The following FAM47E variants were observed in gnomAD, a reference collection of about 807,000 sequenced individuals.
The protein encoded by FAM47E is family with sequence similarity 47 member E.
In FAM47E, 32 loss-of-function variants were observed where a neutral mutation model predicts 41.6. The ratio of observed to expected loss-of-function variants is 0.77; its 90% CI spans 0.58 to 1.03. FAM47E has a LOEUF of 1.03. Ranked by LOEUF, FAM47E falls within the 50% of genes least tolerant of loss-of-function variation. The pLI, the probability that FAM47E is intolerant of heterozygous loss-of-function variation, is 0.00. For missense variants in FAM47E, 424 were observed against 485.4 expected, an observed-to-expected ratio of 0.87 and a Z score of 1.19; for synonymous variants, 184 against 188.7, an observed-to-expected ratio of 0.98 and a Z score of 0.20.
At chr4:76,225,892 T>C (rs945099380) in intron 2 of FAM47E, among the ~76,000 whole-genome samples, 4 of 152,356 alleles carry the variant, frequency 2.6e-5, no homozygotes, top group Admixed American at 2.0e-4. Flanking sequence ...ATTAGGGTGA[T>C]ACTGGCTTCA....
intron 2 of FAM47E, among the ~76,000 whole-genome samples, chr4:76,244,752 C>T (rs933288412): frequency 9.9e-5 from 15 of 151,944 alleles, no homozygotes; most frequent in African/African-American, 3.4e-4. Context: ...CTTGGCCAGG[C>T]TGGTCTTGAA....
chr4:76,214,045 C>T (rs1733146628), exon 1 of FAM47E: 2 of 328,000 alleles, frequency 6.1e-6, no homozygotes, highest in South Asian at 4.3e-5. Context: ...CTCCCAGCGC[C>T]CTGCACCGCA....
intron 2 of FAM47E, among the ~76,000 whole-genome samples, chr4:76,259,020 G>A (rs1047573888): frequency 2.0e-5 from 3 of 152,166 alleles, no homozygotes; most frequent in African/African-American, 7.2e-5. Context: ...TGTCCCCAGA[G>A]GAGATTAGTA....
chr4:76,263,898 G>C lies in FAM47E; in HGVS notation c.560+55G>C, dbSNP rs538373537. The C allele has an allele frequency of 5.0e-5, 77 of 1,525,774 alleles. No homozygotes were observed. The East Asian group carries it at 9.1e-4, about 18-fold the overall frequency. 94.5% of individuals were successfully genotyped at this position (1,525,774 alleles called of 1,614,324 possible). A position where few individuals can be genotyped will look rare whatever the true frequency, so the allele number is the denominator to read the frequency against. ...TGCTGTCACCTGATGAAACATTCTAGGAATTACCTTCTTAAAACTTCTCAT... is the reference window on the plus strand; with the variant it reads ...TGCTGTCACCTGATGAAACATTCTACGAATTACCTTCTTAAAACTTCTCAT... On this transcript the variant is annotated intron_variant, in intron 3 of 7. Coordinates refer to ENST00000424749, the MANE Select transcript of FAM47E (RefSeq NM_001136570.3).
chr4:76,224,088 C>T (rs375673787), intron 2 of FAM47E, among the ~76,000 whole-genome samples: 3 of 152,296 alleles, frequency 2.0e-5, no homozygotes, highest in East Asian at 1.9e-4. Flanking sequence ...CAGAATGTGA[C>T]GTGCATCACA....
At chr4:76,261,896 C>T (rs564896412) in intron 2 of FAM47E, among the ~76,000 whole-genome samples, 6 of 152,084 alleles carry the variant, frequency 3.9e-5, no homozygotes, top group African/African-American at 9.6e-5. Flanking sequence ...GTCATTTGTT[C>T]GCATTAGCAT....
intron 2 of FAM47E, among the ~76,000 whole-genome samples, chr4:76,221,884 C>T (rs971032123): frequency 6.6e-6 from 1 of 152,194 alleles, no homozygotes; most frequent in African/African-American, 2.4e-5. Flanking sequence ...AACAAACTTG[C>T]ACATGTACCA....
intron 3 of FAM47E, among the ~76,000 whole-genome samples, chr4:76,267,268 C>T (rs1380934695): frequency 6.6e-6 from 1 of 152,160 alleles, no homozygotes; most frequent in Non-Finnish European, 1.5e-5. Flanking sequence ...AGAGTAGCTT[C>T]AGGGGACAGC....
At chr4:76,223,051 A>T (rs1200010802) in intron 2 of FAM47E, among the ~76,000 whole-genome samples, 2 of 152,180 alleles carry the variant, frequency 1.3e-5, no homozygotes, top group Non-Finnish European at 2.9e-5. Flanking sequence ...CTTCAAAGCC[A>T]TATTTTTGTT....
intron 5 of FAM47E, among the ~76,000 whole-genome samples, chr4:76,275,690 A>C (rs1735067200): frequency 6.6e-6 from 1 of 152,186 alleles, no homozygotes; most frequent in African/African-American, 2.4e-5. Flanking sequence ...TTACAAAGGC[A>C]TCACAGAAGG....
chr4:76,283,348 C>T (rs769083756), intron 7 of FAM47E, 33 bp from the exon 8 acceptor site: 4 of 1,387,424 alleles, frequency 2.9e-6, no homozygotes, highest in African/African-American at 1.4e-5. Context: ...TTTTGTTTGC[C>T]AATCTAATGA....
chr4:76,230,117 G>A (rs932088616), intron 2 of FAM47E, among the ~76,000 whole-genome samples: 1 of 152,116 alleles, frequency 6.6e-6, no homozygotes, highest in Non-Finnish European at 1.5e-5. Flanking sequence ...TTTTGTGATT[G>A]GCTATTGGGA....
intron 4 of FAM47E, among the ~76,000 whole-genome samples, chr4:76,269,869 A>G (rs190833440): frequency 1.3e-5 from 2 of 151,998 alleles, no homozygotes; most frequent in Admixed American, 1.3e-4. Flanking sequence ...GAACCTATAT[A>G]GTTGCCTATT....
At chr4:76,247,728 G>C (rs577946251), upstream of FAM47E, among the ~76,000 whole-genome samples, 1 of 151,704 alleles carries the variant, frequency 6.6e-6, no homozygotes, top group South Asian at 2.1e-4. Flanking sequence ...GTGATTTTTG[G>C]CCATTTGTAT....
chr4:76,265,311 C>G (rs756738697), intron 3 of FAM47E, among the ~76,000 whole-genome samples: 1 of 152,158 alleles, frequency 6.6e-6, no homozygotes, highest in African/African-American at 2.4e-5. Flanking sequence ...CCTGGTCCAG[C>G]CTTGCAGGGG....
chr4:76,231,925 G>A (rs1363900667), intron 2 of FAM47E, among the ~76,000 whole-genome samples: 1 of 152,214 alleles, frequency 6.6e-6, no homozygotes, highest in Non-Finnish European at 1.5e-5. Context: ...CTCCTTAAAG[G>A]AAAGCATACC....
chr4:76,217,766 CT>C (rs1378830106), intron 2 of FAM47E: 3 of 427,422 alleles, frequency 7.0e-6, no homozygotes, highest in African/African-American at 6.1e-5. Context: ...ACGGTGATCT[CT>C]CTATACCTAA....
intron 7 of FAM47E, chr4:76,281,157 G>C (rs115777572): frequency 0.025 from 3,799 of 152,340 alleles, 92 homozygotes; most frequent in Non-Finnish European, 0.035. Flanking sequence ...GGGGTCTTTA[G>C]GGGACAGTGC....
At chr4:76,240,198 T>C (rs1160969908) in intron 2 of FAM47E, among the ~76,000 whole-genome samples, 1 of 152,240 alleles carries the variant, frequency 6.6e-6, no homozygotes, top group Non-Finnish European at 1.5e-5. Flanking sequence ...TGATAGTTTC[T>C]TTCTTTTAGC....
Sources: gnomAD v4.1 joint callset for allele counts (sites outside exome capture counted in the v4.1 genomes callset) on GRCh38, gnomAD v4.1.1 for gene constraint, MANE v1.5 for transcripts, NCBI Gene and HGNC (gene_info 2026-07-23, HGNC 2026-07-21) for gene names.